Variants in TSEN2 observed in about 807,000 individuals in gnomAD.
The protein encoded by TSEN2 is tRNA splicing endonuclease subunit 2, also known as tRNA-splicing endonuclease subunit Sen2.
A neutral mutation model predicts 59.2 loss-of-function variants in TSEN2; 54 were observed. The ratio of observed to expected loss-of-function variants is 0.91; its 90% CI spans 0.73 to 1.14. The LOEUF is 1.14. TSEN2 is among the 50% of genes most tolerant of loss of function. The pLI is 0.00. For synonymous variants in TSEN2, 195 were observed against 198.2 expected, an observed-to-expected ratio of 0.98 and a Z score of 0.14; for missense variants, 636 against 576.2, an observed-to-expected ratio of 1.10 and a Z score of -1.06.
chr3:12,480,528 G>GTTTTTTTTTTTT (rs752340308), upstream of TSEN2, among the ~76,000 whole-genome samples: 28 of 91,748 alleles, frequency 3.1e-4, no homozygotes, highest in African/African-American at 7.9e-4. Flanking sequence ...TTGTTTCTTT[G>GTTTTTTTTTTTT]TTTTTTTTTT....
rs546811795 is a variant in TSEN2 at position 12,503,393 on chromosome 3, C to T, written c.440C>T (p.Ala147Val). 1 of 1,614,198 alleles carries T rather than the reference C, an allele frequency of 6.2e-7. No individual in the cohort carries two copies. Among genetic ancestry groups the T allele is most frequent in the East Asian group, 2.2e-5 (1 of 44,882 alleles). Residue 147 changes from alanine (A) to valine (V), a missense_variant, in exon 5 of 12, where the codon GCT becomes GTT. Transcript: ENST00000284995. Reference sequence around the variant, plus strand: ...CCTCCTGTGAAAAGGAATGAAGAGGCTCAAGTGCATGACAAGCTTAACTCT... The same window carrying T: ...CCTCCTGTGAAAAGGAATGAAGAGGTTCAAGTGCATGACAAGCTTAACTCT... Reference protein sequence around the residue: ...EHPPVKRNEEAQVHDKLNSGM... With the variant: ...EHPPVKRNEEVQVHDKLNSGM...
chr3:12,522,225 G>C (rs1423109478), intron 8 of TSEN2, among the ~76,000 whole-genome samples: 1 of 152,086 alleles, frequency 6.6e-6, no homozygotes, highest in African/African-American at 2.4e-5. Context: ...AAGATATTCT[G>C]CCTTATAAGG....
At chr3:12,486,061 A>C (rs2052581369) in intron 1 of TSEN2, among the ~76,000 whole-genome samples, 1 of 152,236 alleles carries the variant, frequency 6.6e-6, no homozygotes, top group Admixed American at 6.5e-5. Flanking sequence ...TGCAAATACT[A>C]CATTTTATTT....
At chr3:12,505,968 C>G (rs1559312798) in intron 6 of TSEN2, among the ~76,000 whole-genome samples, 1 of 150,186 alleles carries the variant, frequency 6.7e-6, no homozygotes, top group African/African-American at 2.5e-5. Flanking sequence ...CTGTGTCAAA[C>G]AAAAAAAAGA....
intron 11 of TSEN2, among the ~76,000 whole-genome samples, 171 bp downstream of exon 11, chr3:12,531,830 G>A (rs922514925): frequency 1.2e-4 from 18 of 152,146 alleles, no homozygotes; most frequent in African/African-American, 4.1e-4. Context: ...CATTGGACAC[G>A]AAATCTATGC....
At chr3:12,518,940 G>T in intron 7 of TSEN2, 119 bp from the exon 8 acceptor site, 1 of 985,010 alleles carries the variant, frequency 1.0e-6, no homozygotes, top group African/African-American at 1.6e-5. Flanking sequence ...CTCTGCTGGG[G>T]GAACTGCATT....
At chr3:12,525,544 A>AG (rs1553602405) in intron 8 of TSEN2, among the ~76,000 whole-genome samples, 1 of 151,676 alleles carries the variant, frequency 6.6e-6, no homozygotes, top group African/African-American at 2.4e-5. Flanking sequence ...TTCAGACCTT[A>AG]TTTTTACTTT....
chr3:12,486,165 G>A (rs1362646597), intron 1 of TSEN2, among the ~76,000 whole-genome samples: 2 of 152,158 alleles, frequency 1.3e-5, no homozygotes, highest in Non-Finnish European at 2.9e-5. Context: ...CACATGTGCA[G>A]CACATGCAGT....
intron 8 of TSEN2, among the ~76,000 whole-genome samples, chr3:12,525,915 T>G (rs555500361): frequency 6.6e-6 from 1 of 152,250 alleles, no homozygotes; most frequent in Non-Finnish European, 1.5e-5. Context: ...CGTTGCACTA[T>G]GACAGCATGA....
chr3:12,497,786 T>C (rs2053904317), intron 4 of TSEN2, among the ~76,000 whole-genome samples: 1 of 152,204 alleles, frequency 6.6e-6, no homozygotes, highest in African/African-American at 2.4e-5. Context: ...CTTGTATTCA[T>C]TTCCTAGGGC....
intron 5 of TSEN2, among the ~76,000 whole-genome samples, chr3:12,504,446 G>A (rs557845712): frequency 2.0e-5 from 3 of 152,066 alleles, no homozygotes; most frequent in Admixed American, 6.5e-5. Flanking sequence ...TGCTGGGTGT[G>A]GTGGTACATG....
chr3:12,504,490 G>A (rs1334475561), intron 5 of TSEN2, among the ~76,000 whole-genome samples: 1 of 152,082 alleles, frequency 6.6e-6, no homozygotes, highest in Non-Finnish European at 1.5e-5. Flanking sequence ...GGCTAAGGTG[G>A]GAGGATTTCT....
rs1214815271 is a variant in TSEN2, at chr3:12,484,615, AG to A, written c.-281del. Reference sequence around the variant, plus strand: ...TTCCGAAAGTCCTCCAGGGCGAGAGAGGAAAGGGCCTAGGTACTGTGCTGGG... The same window carrying A: ...TTCCGAAAGTCCTCCAGGGCGAGAGAGAAAGGGCCTAGGTACTGTGCTGGG... On this transcript the variant is annotated 5_prime_UTR_variant, in exon 1 of 12. Transcript: ENST00000284995. The A allele has an allele frequency of 6.6e-6, 1 of 152,224 alleles. No individual in the cohort carries two copies. The highest frequency in any genetic ancestry group is 6.5e-5 in the Admixed American group (1 of 15,286). The allele number at this position is 152,224 out of a possible 1,614,324, so 9.4% of individuals were successfully genotyped here.
chr3:12,518,544 G>A (rs2056346145), intron 7 of TSEN2, among the ~76,000 whole-genome samples: 3 of 152,104 alleles, frequency 2.0e-5, no homozygotes, highest in Non-Finnish European at 4.4e-5. Flanking sequence ...TGCAATAGAA[G>A]GACAGTGAGA....
downstream of TSEN2, among the ~76,000 whole-genome samples, chr3:12,537,956 A>G (rs1302107733): frequency 1.3e-5 from 2 of 152,196 alleles, no homozygotes; most frequent in Admixed American, 6.5e-5. Flanking sequence ...AATGGGGGCA[A>G]ATTGGAATTC....
At chr3:12,520,817 A>G (rs2056579822) in intron 8 of TSEN2, among the ~76,000 whole-genome samples, 1 of 152,062 alleles carries the variant, frequency 6.6e-6, no homozygotes, top group African/African-American at 2.4e-5. Context: ...TCAAGGGTAC[A>G]TGTGCAGGTT....
At chr3:12,489,203 T>C (rs2124919116) in intron 1 of TSEN2, among the ~76,000 whole-genome samples, 1 of 152,284 alleles carries the variant, frequency 6.6e-6, no homozygotes, top group Non-Finnish European at 1.5e-5. Flanking sequence ...TAGCATTTGG[T>C]AGTATATAAT....
At chr3:12,492,424 G>T (rs1157209984) in intron 3 of TSEN2, among the ~76,000 whole-genome samples, 2 of 152,192 alleles carry the variant, frequency 1.3e-5, no homozygotes, top group African/African-American at 4.8e-5. Flanking sequence ...ATTATCAAGT[G>T]TTAATTGGGC....
chr3:12,487,960 G>C (rs1434415361), intron 1 of TSEN2, among the ~76,000 whole-genome samples: 1 of 150,350 alleles, frequency 6.7e-6, no homozygotes, highest in Non-Finnish European at 1.5e-5. Flanking sequence ...TTCTAGGAAG[G>C]TTCCAACTTC....
Sources: allele counts gnomAD v4.1 joint callset (sites outside exome capture counted in the v4.1 genomes callset), GRCh38; gene constraint gnomAD v4.1.1; transcripts MANE v1.5; gene names NCBI Gene and HGNC (gene_info 2026-07-23, HGNC 2026-07-21).